RBFOX1: variants seen among roughly 807,000 people sequenced by gnomAD.
The protein encoded by RBFOX1 is RNA binding fox-1 homolog 1.
A neutral mutation model predicts 57.7 loss-of-function variants in RBFOX1; 8 were observed. The observed-to-expected ratio is 0.14, with a 90% CI of 0.08 to 0.25. The LOEUF (loss-of-function observed/expected upper bound fraction) is 0.25, where lower values mean the gene tolerates loss of function less well. Among genes scored for constraint, RBFOX1 ranks in the 10% least tolerant of loss-of-function variants. The pLI is 1.00. For synonymous variants in RBFOX1, 326 were observed against 222.4 expected (o/e 1.47, Z -4.15); for missense variants, 611 against 548.5 (o/e 1.11, Z -1.14).
intron 2 of RBFOX1, among the ~76,000 whole-genome samples, chr16:6,479,877 C>G (rs367998813): frequency 6.6e-6 from 1 of 151,826 alleles, no homozygotes; most frequent in Non-Finnish European, 1.5e-5. Context: ...TGGTGAAACC[C>G]CATCTCTACT....
chr16:5,641,917 T>A (rs2048887702), intron 3 of RBFOX1, among the ~76,000 whole-genome samples: 1 of 152,174 alleles, frequency 6.6e-6, no homozygotes, highest in African/African-American at 2.4e-5. Flanking sequence ...ATGATGCATA[T>A]GTCACTTGGG....
chr16:6,414,891 T>C (rs1007764936), intron 2 of RBFOX1, among the ~76,000 whole-genome samples: 1 of 152,164 alleles, frequency 6.6e-6, no homozygotes, highest in African/African-American at 2.4e-5. Context: ...TCAGACATCC[T>C]GCAAGGCATG....
intron 3 of RBFOX1, among the ~76,000 whole-genome samples, chr16:6,832,363 G>T (rs1435777931): frequency 6.6e-6 from 1 of 152,144 alleles, no homozygotes; most frequent in Non-Finnish European, 1.5e-5. Flanking sequence ...TAGAGAAATG[G>T]ATTATTGGTA....
intron 3 of RBFOX1, among the ~76,000 whole-genome samples, chr16:6,985,633 G>T (rs62016418): frequency 2.6e-5 from 4 of 151,918 alleles, no homozygotes; most frequent in African/African-American, 9.7e-5. Flanking sequence ...TTAGAGAACA[G>T]TCTGACCAGC....
At chr16:5,436,000 C>A (rs1260372287) in intron 1 of RBFOX1, among the ~76,000 whole-genome samples, 1 of 152,126 alleles carries the variant, frequency 6.6e-6, no homozygotes, top group Non-Finnish European at 1.5e-5. Flanking sequence ...TCTAGCTTGC[C>A]CCTCATAGGG....
At chr16:7,079,116 C>T (rs1288537703) in intron 4 of RBFOX1, among the ~76,000 whole-genome samples, 1 of 152,024 alleles carries the variant, frequency 6.6e-6, no homozygotes, top group Non-Finnish European at 1.5e-5. Context: ...GTACCATTCT[C>T]AATCAGCAGG....
chr16:6,825,278 C>G (rs1047205673), intron 3 of RBFOX1, among the ~76,000 whole-genome samples: 3 of 151,208 alleles, frequency 2.0e-5, no homozygotes, highest in Admixed American at 1.3e-4. Flanking sequence ...CTTCCCTACT[C>G]TAGATGCCAA....
intron 3 of RBFOX1, among the ~76,000 whole-genome samples, chr16:5,722,217 C>T (rs928839551): frequency 6.6e-6 from 1 of 152,068 alleles, no homozygotes; most frequent in Non-Finnish European, 1.5e-5. Flanking sequence ...TAACTGTTGT[C>T]GTTATTGTTT....
chr16:5,332,904 G>T (rs1276443180), intron 1 of RBFOX1, among the ~76,000 whole-genome samples: 1 of 152,142 alleles, frequency 6.6e-6, no homozygotes, highest in Non-Finnish European at 1.5e-5. Flanking sequence ...CTACACTAGA[G>T]GCCAGGTGGA....
chr16:6,197,981 A>C (rs1199401915), intron 1 of RBFOX1, among the ~76,000 whole-genome samples: 1 of 152,178 alleles, frequency 6.6e-6, no homozygotes. Flanking sequence ...ACATGCTTTC[A>C]TTTGTGGCTT....
At chr16:6,150,634 C>T (rs1044629896) in intron 1 of RBFOX1, among the ~76,000 whole-genome samples, 3 of 152,214 alleles carry the variant, frequency 2.0e-5, no homozygotes, top group Non-Finnish European at 4.4e-5. Flanking sequence ...ATTTCACCCA[C>T]AGCATGACAC....
At chr16:7,214,465 C>T (rs1361620540) in intron 4 of RBFOX1, among the ~76,000 whole-genome samples, 2 of 152,020 alleles carry the variant, frequency 1.3e-5, no homozygotes, top group African/African-American at 4.8e-5. Flanking sequence ...TGCCATGCCT[C>T]TCCGATCCAT....
intron 4 of RBFOX1, among the ~76,000 whole-genome samples, chr16:7,111,330 C>G (rs570693207): frequency 3.2e-4 from 49 of 152,322 alleles, no homozygotes; most frequent in African/African-American, 1.1e-3. Context: ...GGGAACCCGA[C>G]TTTGCAGACG....
At chr16:5,347,145 C>T (rs1391690618) in intron 1 of RBFOX1, among the ~76,000 whole-genome samples, 1 of 152,076 alleles carries the variant, frequency 6.6e-6, no homozygotes, top group East Asian at 1.9e-4. Context: ...TGATATCTCC[C>T]CTTCCTGCTT....
At chr16:5,940,178 T>G (rs1264903875) in intron 4 of RBFOX1, among the ~76,000 whole-genome samples, 1 of 152,252 alleles carries the variant, frequency 6.6e-6, no homozygotes, top group Non-Finnish European at 1.5e-5. Context: ...AGTATTGGAA[T>G]GATGGAGACA....
rs145826474 is a variant in RBFOX1, at chr16:5,508,921, C to T, written c.258+41667C>T. ...CCCACCTGGGGGTTCTGCCGCGTCT[C>T]TCCAGCATAGGAACCCTCTACGTCT... is the stretch of plus-strand genomic sequence containing the variant. On this transcript the variant is annotated intron_variant, in intron 2 of 2. Transcript: ENST00000585867. Among the ~76,000 whole-genome samples, 512 of 152,320 alleles carry T rather than the reference C, an allele frequency of 3.4e-3. 4 individuals carry two copies. The highest frequency in any genetic ancestry group is 0.011 in the African/African-American group (474 of 41,570).
At chr16:6,466,058 A>G (rs2097025212) in intron 2 of RBFOX1, among the ~76,000 whole-genome samples, 1 of 151,970 alleles carries the variant, frequency 6.6e-6, no homozygotes, top group African/African-American at 2.4e-5. Flanking sequence ...GTGAAACCCC[A>G]TCTCTACTAA....
intron 3 of RBFOX1, among the ~76,000 whole-genome samples, chr16:6,978,145 C>T (rs912927121): frequency 2.0e-5 from 3 of 152,038 alleles, no homozygotes; most frequent in Non-Finnish European, 2.9e-5. Flanking sequence ...GGCATGATGC[C>T]CTGGGCCCCA....
rs955575057 is a variant in RBFOX1, at chr16:6,049,568, G to GT, written c.-127+29583dup. 1.1e-3 allele frequency among the ~76,000 whole-genome samples: 172 copies of GT among 151,190 alleles called. 1 individual carries two copies. Among genetic ancestry groups the GT allele is most frequent in the Non-Finnish European group, 1.8e-3 (125 of 67,988 alleles). ...GGTTGCATCTCTAAAGGATAAGAAG[G>GT]TTTTTTTCCTAACACCTGTAATATC... On this transcript the variant is annotated intron_variant, in intron 1 of 15. Transcript: ENST00000550418.
Sources: gnomAD v4.1 joint callset for allele counts (sites outside exome capture counted in the v4.1 genomes callset) on GRCh38, gnomAD v4.1.1 for gene constraint, MANE v1.5 for transcripts, NCBI Gene and HGNC (gene_info 2026-07-23, HGNC 2026-07-21) for gene names.